EDAR: variants seen among roughly 807,000 people sequenced by gnomAD.
EDAR encodes tumor necrosis factor receptor superfamily member EDAR.
EDAR carries 38 observed loss-of-function variants against 51.3 expected under a neutral mutation model. The observed-to-expected ratio is 0.74, with a 90% CI of 0.57 to 0.97. EDAR has a LOEUF of 0.97. EDAR is among the 50% of genes least tolerant of loss of function. The probability of loss-of-function intolerance (pLI) is 0.00; values close to 1 mark genes in which losing one functional copy is unlikely to be tolerated. For missense variants in EDAR, 528 were observed against 595.0 expected (o/e 0.89, Z 1.17); for synonymous variants, 227 against 242.1 (o/e 0.94, Z 0.58).
chr2:108,981,615 T>C (rs931802288), intron 1 of EDAR, among the ~76,000 whole-genome samples: 1 of 152,156 alleles, frequency 6.6e-6, no homozygotes, highest in African/African-American at 2.4e-5. Context: ...CACACATCTG[T>C]CTATACCTAG....
At chr2:108,912,595 C>T in intron 6 of EDAR, 83 bp downstream of exon 6, 1 of 1,308,952 alleles carries the variant, frequency 7.6e-7, no homozygotes, top group Non-Finnish European at 1.1e-6. Flanking sequence ...AATCATCACT[C>T]ATGATCATTT....
At chr2:108,986,028 G>A (rs1698491795) in intron 1 of EDAR, among the ~76,000 whole-genome samples, 1 of 152,134 alleles carries the variant, frequency 6.6e-6, no homozygotes, top group Non-Finnish European at 1.5e-5. Flanking sequence ...AGCTTTGACT[G>A]TACAGGGTCA....
At chr2:108,922,903 A>T (rs1310988960) in intron 5 of EDAR, among the ~76,000 whole-genome samples, 1 of 152,208 alleles carries the variant, frequency 6.6e-6, no homozygotes, top group African/African-American at 2.4e-5. Flanking sequence ...AACTCCTGAG[A>T]CTGTTTACAT....
At chr2:108,912,933 G>A (rs1253453460) in intron 5 of EDAR, among the ~76,000 whole-genome samples, 169 bp from the exon 6 acceptor site, 1 of 151,428 alleles carries the variant, frequency 6.6e-6, no homozygotes, top group African/African-American at 2.4e-5. Flanking sequence ...ACCCTAAAGA[G>A]TCATCGTTAT....
Position 108,923,457 on chromosome 2 carries a change from C to T in EDAR, c.357-4G>A, listed in dbSNP as rs748225. 0.061 allele frequency: 97,683 copies of T among 1,613,166 alleles called. 3,762 individuals carry two copies. Among genetic ancestry groups the T allele is most frequent in the African/African-American group, 0.14 (10,395 of 74,922 alleles). ...TCTGTTCTCCAGCATGTAGTAGCTA[C>T]GGGGGAGAGACAAGACAAAACAGAG... is the stretch of plus-strand genomic sequence containing the variant. On this transcript the variant is annotated splice_polypyrimidine_tract_variant and splice_region_variant and intron_variant, in intron 4 of 11. Coordinates refer to ENST00000258443, the MANE Select transcript of EDAR (RefSeq NM_022336.4).
chr2:108,958,589 A>T (rs260708), intron 1 of EDAR, among the ~76,000 whole-genome samples: 39,378 of 151,920 alleles, frequency 0.26, 9,491 homozygotes, highest in East Asian at 0.94. Flanking sequence ...AGGGCACCCC[A>T]TGGCCGCCCT....
rs1696911775 is a variant in EDAR, at chr2:108,910,758, A to G, written c.730+18T>C. The stretch of plus-strand genomic sequence containing the variant: ...TGGGCACCGTGCACATGGTGTGTGG[A>G]AGCCCTGGTTCACAGACCTGGGGCC... On this transcript the variant is annotated intron_variant, in intron 8 of 11. Transcript: ENST00000258443. 1.9e-6 allele frequency: 3 copies of G among 1,612,272 alleles called. No individual in the cohort carries two copies. In the African/African-American group the frequency reaches 4.0e-5, roughly 22 times the overall value.
chr2:108,930,910 C>T (rs1205794574), intron 2 of EDAR, 54 bp downstream of exon 2: 2 of 1,586,108 alleles, frequency 1.3e-6, no homozygotes, highest in Admixed American at 1.7e-5. Flanking sequence ...AAGAAACAGT[C>T]CAACCATCAT....
intron 1 of EDAR, among the ~76,000 whole-genome samples, chr2:108,985,259 T>C (rs1006600794): frequency 2.0e-5 from 3 of 152,214 alleles, no homozygotes; most frequent in Non-Finnish European, 2.9e-5. Flanking sequence ...TGTGCTACAC[T>C]GCGGGCCTCA....
rs534773883 is a variant in EDAR, at chr2:108,945,213, C to T, written c.-18-14181G>A. Among the ~76,000 whole-genome samples the T allele has an allele frequency of 9.2e-5, 14 of 152,264 alleles. 1 individual carries two copies. In the South Asian group the frequency reaches 1.0e-3, roughly 11 times the overall value. ...GCTTGGGTGGGGGCGAGCTCCCCGT[C>T]CTGGGGCACTGTATATTCCAGGGGC... On this transcript the variant is annotated intron_variant, in intron 1 of 11. Transcript: ENST00000258443.
intron 5 of EDAR, among the ~76,000 whole-genome samples, chr2:108,922,501 A>T (rs1489668062): frequency 6.6e-6 from 1 of 152,188 alleles, no homozygotes; most frequent in Non-Finnish European, 1.5e-5. Flanking sequence ...GACCAAAAGG[A>T]GAGAGGAGAT....
At chr2:108,912,838 G>A in intron 5 of EDAR, 74 bp from the exon 6 acceptor site, 2 of 1,254,780 alleles carry the variant, frequency 1.6e-6, no homozygotes, top group Non-Finnish European at 2.3e-6. Flanking sequence ...AGAGCTCATG[G>A]ATCTGGATTC....
intron 1 of EDAR, among the ~76,000 whole-genome samples, chr2:108,979,442 C>T (rs1319157): frequency 1.8e-4 from 9 of 49,264 alleles, no homozygotes; most frequent in Middle Eastern, 0.013. Flanking sequence ...CTCTTTCTCT[C>T]TCTCTGTCTC....
chr2:108,905,661 C>G (rs1696787871), intron 11 of EDAR, among the ~76,000 whole-genome samples: 1 of 152,162 alleles, frequency 6.6e-6, no homozygotes, highest in East Asian at 1.9e-4. Context: ...AGGAAAACCC[C>G]TGACCTCAGC....
intron 1 of EDAR, among the ~76,000 whole-genome samples, chr2:108,963,439 T>C (rs963082246): frequency 1.3e-5 from 2 of 152,144 alleles, no homozygotes; most frequent in African/African-American, 2.4e-5. Flanking sequence ...AAATTGAGCT[T>C]TCTATTTGAA....
intron 5 of EDAR, among the ~76,000 whole-genome samples, chr2:108,917,638 A>G (rs1314232293): frequency 1.3e-5 from 2 of 152,116 alleles, no homozygotes; most frequent in Non-Finnish European, 2.9e-5. Flanking sequence ...AAGGTATGCT[A>G]AGACTAGAGG....
chr2:108,900,682 A>G (rs372689463), intron 11 of EDAR, among the ~76,000 whole-genome samples: 1 of 152,222 alleles, frequency 6.6e-6, no homozygotes, highest in East Asian at 1.9e-4. Context: ...TCACTTCAAT[A>G]TAATGAGAGA....
At chr2:108,968,661 C>G (rs1288447874) in intron 1 of EDAR, among the ~76,000 whole-genome samples, 2 of 152,234 alleles carry the variant, frequency 1.3e-5, no homozygotes, top group Non-Finnish European at 2.9e-5. Context: ...CTGGCACCTT[C>G]TTCTGCACTG....
intron 1 of EDAR, among the ~76,000 whole-genome samples, chr2:108,973,406 T>C (rs1698269370): frequency 6.6e-6 from 1 of 152,236 alleles, no homozygotes; most frequent in African/African-American, 2.4e-5. Context: ...CATCAGCCCC[T>C]GAGACCTGGG....
Sources: gnomAD v4.1 joint callset for allele counts (sites outside exome capture counted in the v4.1 genomes callset) on GRCh38, gnomAD v4.1.1 for gene constraint, MANE v1.5 for transcripts, NCBI Gene and HGNC (gene_info 2026-07-23, HGNC 2026-07-21) for gene names.